PTGER4: variants seen among roughly 807,000 people sequenced by gnomAD.
PTGER4 encodes prostaglandin E2 receptor EP4 subtype.
PTGER4 carries 11 observed loss-of-function variants against 33.2 expected under a neutral mutation model. That is an observed-to-expected ratio of 0.33 (90% CI 0.21 to 0.55). PTGER4 has a LOEUF of 0.55. Ranked by LOEUF, PTGER4 falls within the 20% of genes least tolerant of loss-of-function variation. The probability of loss-of-function intolerance (pLI) is 0.92; values close to 1 mark genes in which losing one functional copy is unlikely to be tolerated. For synonymous variants in PTGER4, 275 were observed against 281.5 expected, an observed-to-expected ratio of 0.98 and a Z score of 0.23; for missense variants, 481 against 650.2, an observed-to-expected ratio of 0.74 and a Z score of 2.83.
chr5:40,737,857 T>G, the PTGER4 span, among the ~76,000 whole-genome samples: 1 of 152,354 alleles, frequency 6.6e-6, no homozygotes, highest in African/African-American at 2.4e-5. Flanking sequence ...CTTCCTGACT[T>G]CTTTCCCTTA....
At chr5:40,739,364 A>G in the PTGER4 span, among the ~76,000 whole-genome samples, 4 of 152,204 alleles carry the variant, frequency 2.6e-5, no homozygotes, top group Admixed American at 1.3e-4. Flanking sequence ...TATTAACAAA[A>G]TACTATCTTC....
chr5:40,689,891 AT>A (rs1390632439), intron 2 of PTGER4, among the ~76,000 whole-genome samples: 1 of 152,182 alleles, frequency 6.6e-6, no homozygotes, highest in Non-Finnish European at 1.5e-5. Flanking sequence ...ATATATGGCA[AT>A]TATTTTTATT....
chr5:40,716,462 G>C, the PTGER4 span: 3 of 1,612,150 alleles, frequency 1.9e-6, no homozygotes, highest in African/African-American at 2.7e-5. Context: ...GGGTTCATTG[G>C]ATAGATGTGA....
chr5:40,745,795 C>A, the PTGER4 span, among the ~76,000 whole-genome samples: 2 of 151,658 alleles, frequency 1.3e-5, no homozygotes, highest in Non-Finnish European at 2.9e-5. Context: ...AGGGCAGTGG[C>A]AAGATCATAG....
At chr5:40,716,381 T>G in the PTGER4 span, 1 of 1,614,130 alleles carries the variant, frequency 6.2e-7, no homozygotes, top group Admixed American at 1.7e-5. Context: ...TCACTTTTTT[T>G]AATCCTCTGT....
At chr5:40,711,663 AAATTGTGGTATATC>A in the PTGER4 span, among the ~76,000 whole-genome samples, 1 of 152,140 alleles carries the variant, frequency 6.6e-6, no homozygotes. Flanking sequence ...ACAGCTAAAC[AAATTGTGGTATATC>A]TATATACTAG....
chr5:40,731,956 A>G, the PTGER4 span, among the ~76,000 whole-genome samples: 35 of 152,156 alleles, frequency 2.3e-4, no homozygotes, highest in Admixed American at 2.2e-3. Context: ...TTAACATACA[A>G]TTATTTTCCC....
the PTGER4 span, among the ~76,000 whole-genome samples, chr5:40,728,081 AG>A: frequency 6.6e-6 from 1 of 152,036 alleles, no homozygotes; most frequent in East Asian, 1.9e-4. Flanking sequence ...CAAAAGTTAA[AG>A]ACCAGCCTGA....
the PTGER4 span, chr5:40,716,410 T>G: frequency 6.8e-6 from 11 of 1,613,836 alleles, no homozygotes; most frequent in East Asian, 2.4e-4. Flanking sequence ...CTGCTGCTCC[T>G]GGAGCGTTCT....
At chr5:40,722,486 G>A in the PTGER4 span, among the ~76,000 whole-genome samples, 289 of 148,768 alleles carry the variant, frequency 1.9e-3, 1 homozygote, top group African/African-American at 7.1e-3. Flanking sequence ...GCGGCCCATC[G>A]TCTGGGATGT....
intron 2 of PTGER4, among the ~76,000 whole-genome samples, chr5:40,690,320 ACAGAGTG>A (rs1741436829): frequency 6.6e-6 from 1 of 152,246 alleles, no homozygotes; most frequent in Non-Finnish European, 1.5e-5. Flanking sequence ...AGCCTGGGCG[ACAGAGTG>A]AGACCCTGTC....
At chr5:40,723,646 C>T in the PTGER4 span, among the ~76,000 whole-genome samples, 1 of 152,142 alleles carries the variant, frequency 6.6e-6, no homozygotes, top group Non-Finnish European at 1.5e-5. Context: ...GGGCGGATCA[C>T]CTGAGACCAG....
chr5:40,728,475 ACCT>A, the PTGER4 span: 1 of 1,592,542 alleles, frequency 6.3e-7, no homozygotes, highest in Admixed American at 1.9e-5. Context: ...AGACATTAGC[ACCT>A]ATAGGCAAAA....
chr5:40,686,163 C>T (rs1741319168), intron 2 of PTGER4, among the ~76,000 whole-genome samples: 1 of 152,190 alleles, frequency 6.6e-6, no homozygotes, highest in Non-Finnish European at 1.5e-5. Context: ...AGTGGGATAA[C>T]TGAGCCCATA....
In PTGER4 at chr5:40,692,623, C is replaced by T. The variant is rs1169787734; in HGVS notation, c.*245C>T. 9.0e-6 allele frequency: 11 copies of T among 1,228,784 alleles called. No individual in the cohort carries two copies. The highest frequency in any genetic ancestry group is 3.7e-5 in the East Asian group (1 of 26,930). 76.1% of individuals were successfully genotyped at this position (1,228,784 alleles called of 1,614,324 possible). A position where few individuals can be genotyped will look rare whatever the true frequency, so the allele number is the denominator to read the frequency against. On this transcript the variant is annotated 3_prime_UTR_variant, in exon 3 of 3. Coordinates refer to ENST00000302472, the MANE Select transcript of PTGER4 (RefSeq NM_000958.3). ...GATTGTGGTCACAACTTGATGGCTG[C>T]GAAGACCTACCCTCCGTTTTTCTAC...
At chr5:40,734,316 G>GAACAGACA in the PTGER4 span, among the ~76,000 whole-genome samples, 1 of 151,980 alleles carries the variant, frequency 6.6e-6, no homozygotes, top group South Asian at 2.1e-4. Flanking sequence ...ACTTCAGTTT[G>GAACAGACA]GAACAGACTG....
At chr5:40,731,243 G>T in the PTGER4 span, among the ~76,000 whole-genome samples, 2 of 152,120 alleles carry the variant, frequency 1.3e-5, no homozygotes, top group Non-Finnish European at 2.9e-5. Flanking sequence ...GAAGGAAAAG[G>T]TTGGACTGTT....
At chr5:40,696,051 C>T (rs569713855), downstream of PTGER4, among the ~76,000 whole-genome samples, 2 of 152,198 alleles carry the variant, frequency 1.3e-5, no homozygotes, top group East Asian at 1.9e-4. Context: ...AACAAACACA[C>T]GTACTCCCCG....
chr5:40,721,701 A>G, the PTGER4 span, among the ~76,000 whole-genome samples: 6 of 152,028 alleles, frequency 3.9e-5, no homozygotes, highest in African/African-American at 1.2e-4. Context: ...ACAAAACAAA[A>G]CAAAAAAACA....
Sources: gnomAD v4.1 joint callset for allele counts (sites outside exome capture counted in the v4.1 genomes callset) on GRCh38, gnomAD v4.1.1 for gene constraint, MANE v1.5 for transcripts, NCBI Gene and HGNC (gene_info 2026-07-23, HGNC 2026-07-21) for gene names.